The following SEMA5A variants were observed in gnomAD, a reference collection of about 807,000 sequenced individuals.
SEMA5A encodes semaphorin-5A.
A neutral mutation model predicts 135.5 loss-of-function variants in SEMA5A; 55 were observed. That is an observed-to-expected ratio of 0.41 (90% CI 0.33 to 0.51). The LOEUF is 0.51. Ranked by LOEUF, SEMA5A falls within the 20% of genes least tolerant of loss-of-function variation. The probability of loss-of-function intolerance (pLI) is 0.37; values close to 1 mark genes in which losing one functional copy is unlikely to be tolerated. For synonymous variants in SEMA5A, 580 were observed against 546.5 expected (o/e 1.06, Z -0.85); for missense variants, 1,290 against 1,419.9 (o/e 0.91, Z 1.47).
At chr5:9,323,289 ATTT>A (rs1470996955) in intron 4 of SEMA5A, among the ~76,000 whole-genome samples, 1 of 152,192 alleles carries the variant, frequency 6.6e-6, no homozygotes, top group East Asian at 1.9e-4. Context: ...CAACAAAAGT[ATTT>A]TTATTATGGC....
intron 5 of SEMA5A, among the ~76,000 whole-genome samples, chr5:9,254,329 G>A (rs536518451): frequency 5.3e-5 from 8 of 152,284 alleles, no homozygotes; most frequent in East Asian, 1.9e-4. Context: ...AGAAAAACAC[G>A]TTTGTAGAGA....
At chr5:9,339,801 T>C (rs780992316) in intron 3 of SEMA5A, among the ~76,000 whole-genome samples, 9 of 152,168 alleles carry the variant, frequency 5.9e-5, no homozygotes, top group Non-Finnish European at 1.3e-4. Context: ...TTTGAGCAGA[T>C]GTCTTTGGAA....
At chr5:9,266,698 A>G (rs1282043816) in intron 5 of SEMA5A, among the ~76,000 whole-genome samples, 1 of 152,226 alleles carries the variant, frequency 6.6e-6, no homozygotes, top group Non-Finnish European at 1.5e-5. Flanking sequence ...TAACTTATTT[A>G]TCCTACAGTA....
At chr5:9,426,414 G>A (rs1757652760) in intron 2 of SEMA5A, among the ~76,000 whole-genome samples, 1 of 41,292 alleles carries the variant, frequency 2.4e-5, no homozygotes, top group Non-Finnish European at 6.1e-5. Context: ...AACAGAGCGA[G>A]ACTCCATCTC....
chr5:9,498,142 G>A (rs1735395877), intron 1 of SEMA5A, among the ~76,000 whole-genome samples: 1 of 152,174 alleles, frequency 6.6e-6, no homozygotes, highest in Non-Finnish European at 1.5e-5. Flanking sequence ...TCTTAAAGAT[G>A]GCCATGGGCC....
intron 9 of SEMA5A, among the ~76,000 whole-genome samples, chr5:9,197,887 A>G (rs1162206855): frequency 6.6e-6 from 1 of 152,134 alleles, no homozygotes; most frequent in Non-Finnish European, 1.5e-5. Context: ...CTTTTAATGT[A>G]AAGTAGATTT....
At chr5:9,098,237 C>CAATAAATAAATAAATAAATAAATA (rs3063984) in intron 16 of SEMA5A, among the ~76,000 whole-genome samples, 1 of 140,240 alleles carries the variant, frequency 7.1e-6, no homozygotes, top group Non-Finnish European at 1.5e-5. Context: ...GACTCTGTCT[C>CAATAAATAAATAAATAAATAAATA]AATAAATAAA....
intron 12 of SEMA5A, among the ~76,000 whole-genome samples, chr5:9,143,959 G>T (rs940778925): frequency 2.0e-5 from 3 of 152,246 alleles, no homozygotes; most frequent in African/African-American, 7.2e-5. Flanking sequence ...CCAGGACAAA[G>T]GAGGCACAGG....
chr5:9,109,110 G>T (rs1005749047), intron 15 of SEMA5A, among the ~76,000 whole-genome samples: 3 of 134,358 alleles, frequency 2.2e-5, no homozygotes, highest in Admixed American at 8.6e-5. Flanking sequence ...GCGTGATCTC[G>T]GCTCACTGCA....
chr5:9,225,568 C>CAAAAA (rs3034595), intron 7 of SEMA5A, among the ~76,000 whole-genome samples: 2 of 112,318 alleles, frequency 1.8e-5, no homozygotes, highest in African/African-American at 6.8e-5. Context: ...GACTCTGTCT[C>CAAAAA]AAAAAAAAAA....
At chr5:9,378,931 AT>A (rs72220629) in intron 3 of SEMA5A, among the ~76,000 whole-genome samples, 10,183 of 151,494 alleles carry the variant, frequency 0.067, 449 homozygotes, top group Non-Finnish European at 0.093. Context: ...AAATTATTTG[AT>A]TTTTTTTTAA....
At chr5:9,513,341 G>C (rs992810294) in intron 1 of SEMA5A, among the ~76,000 whole-genome samples, 1 of 151,880 alleles carries the variant, frequency 6.6e-6, no homozygotes, top group Non-Finnish European at 1.5e-5. Context: ...CACCCAAAAA[G>C]GCATCAAATC....
At chr5:9,099,153 C>A (rs894877123) in intron 16 of SEMA5A, among the ~76,000 whole-genome samples, 1 of 152,066 alleles carries the variant, frequency 6.6e-6, no homozygotes, top group African/African-American at 2.4e-5. Flanking sequence ...TTTTTCTTTT[C>A]TCTCCATCTG....
rs750373690 is a variant in SEMA5A, at chr5:9,051,856, A to T, written c.2845+17T>A. On this transcript the variant is annotated intron_variant, in intron 20 of 22. Coordinates refer to ENST00000382496, the MANE Select transcript of SEMA5A (RefSeq NM_003966.3). Reference sequence around the variant, plus strand: ...GGAAATGATTTTATTCTTACTGATAAATACCTCTGCTCTTACCTGGGATGA... The same window carrying T: ...GGAAATGATTTTATTCTTACTGATATATACCTCTGCTCTTACCTGGGATGA... The T allele has an allele frequency of 1.9e-6, 3 of 1,614,068 alleles. No individual in the cohort carries two copies. The highest frequency in any genetic ancestry group is 2.5e-6 in the Non-Finnish European group (3 of 1,179,978).
At chr5:9,134,116 G>A (rs1741595398) in intron 13 of SEMA5A, among the ~76,000 whole-genome samples, 1 of 152,254 alleles carries the variant, frequency 6.6e-6, no homozygotes, top group Non-Finnish European at 1.5e-5. Context: ...CAGCCATGCA[G>A]AACTGTAAGT....
rs1333143486 is a variant in SEMA5A at position 9,277,058 on chromosome 5, A to C, written c.271-39168T>G. ...GAAAGGGAGAAAATTTTTGCAATCT[A>C]TCCATCTGACAAAGGGCTAATTTCC... On this transcript the variant is annotated intron_variant, in intron 5 of 22. Coordinates refer to ENST00000382496, the MANE Select transcript of SEMA5A (RefSeq NM_003966.3). Among the ~76,000 whole-genome samples, 8 of 152,192 alleles carry C rather than the reference A, an allele frequency of 5.3e-5. No homozygotes were observed. In the East Asian group the frequency reaches 1.5e-3, roughly 29 times the overall value.
intron 16 of SEMA5A, among the ~76,000 whole-genome samples, chr5:9,076,575 CATT>C (rs1738071801): frequency 6.6e-6 from 1 of 152,152 alleles, no homozygotes; most frequent in Non-Finnish European, 1.5e-5. Flanking sequence ...TGATCACACA[CATT>C]ATATACATGT....
intron 5 of SEMA5A, among the ~76,000 whole-genome samples, chr5:9,270,315 A>AT (rs199508900): frequency 4.0e-5 from 6 of 151,562 alleles, no homozygotes; most frequent in East Asian, 1.9e-4. Flanking sequence ...GTCTTTGCTA[A>AT]TTTTTTTTTC....
intron 11 of SEMA5A, among the ~76,000 whole-genome samples, chr5:9,171,497 A>G (rs544980430): frequency 1.3e-5 from 2 of 152,346 alleles, no homozygotes; most frequent in East Asian, 3.9e-4. Flanking sequence ...TGAAAGATTC[A>G]GTCACTAAAC....
Sources: gnomAD v4.1 joint callset for allele counts (sites outside exome capture counted in the v4.1 genomes callset) on GRCh38, gnomAD v4.1.1 for gene constraint, MANE v1.5 for transcripts, NCBI Gene and HGNC (gene_info 2026-07-23, HGNC 2026-07-21) for gene names.